Variants in SFI1 observed in about 807,000 individuals in gnomAD.
SFI1 encodes the protein SFI1 centrin binding protein, also known as protein SFI1 homolog.
A neutral mutation model predicts 207.5 loss-of-function variants in SFI1; 195 were observed. The ratio of observed to expected loss-of-function variants is 0.94; its 90% confidence interval spans 0.84 to 1.06. The LOEUF (loss-of-function observed/expected upper bound fraction) is 1.06, where lower values mean the gene tolerates loss of function less well. Ranked by LOEUF, SFI1 falls within the 50% of genes least tolerant of loss-of-function variation. The pLI, the probability that SFI1 is intolerant of heterozygous loss-of-function variation, is 0.00. For missense variants in SFI1, 1,634 were observed against 1,588.0 expected, an observed-to-expected ratio of 1.03 and a Z score of -0.49; for synonymous variants, 630 against 598.9, an observed-to-expected ratio of 1.05 and a Z score of -0.76.
intron 2 of SFI1, among the ~76,000 whole-genome samples, chr22:31,518,221 C>G (rs1436091504): frequency 2.0e-5 from 3 of 152,086 alleles, no homozygotes; most frequent in Admixed American, 2.0e-4. Context: ...AACTCCTGTC[C>G]TCAGTCAAGG....
chr22:31,504,957 T>C (rs1335506710), intron 1 of SFI1, among the ~76,000 whole-genome samples: 3 of 152,194 alleles, frequency 2.0e-5, no homozygotes, highest in Non-Finnish European at 4.4e-5. Flanking sequence ...TTTCAGATAA[T>C]GTCACATTCG....
intron 10 of SFI1, among the ~76,000 whole-genome samples, chr22:31,575,935 G>C (rs2063432804): frequency 6.6e-6 from 1 of 152,194 alleles, no homozygotes; most frequent in African/African-American, 2.4e-5. Flanking sequence ...CGAGGAAAGA[G>C]ATTCAGAGGA....
At chr22:31,547,373 C>T (rs982248198) in intron 5 of SFI1, among the ~76,000 whole-genome samples, 2 of 152,182 alleles carry the variant, frequency 1.3e-5, no homozygotes, top group African/African-American at 4.8e-5. Flanking sequence ...TGCAGTGGCA[C>T]GATCTTGGCT....
At position 31,556,991 on chromosome 22, in the gene SFI1, G is replaced by C; in HGVS notation, c.594G>C (p.Val198=). Residue 198 remains valine, a synonymous_variant, in exon 7 of 33, where the codon GTG becomes GTC. Transcript: ENST00000400288. The part of the protein sequence containing the change: ...RQAWKSWLIY[V]VVRRTKLQMQ... ...CCTGGAAGTCCTGGTTGATCTACGT[G>C]GTTGTTCGTAGGACCAAACTTCAGA... 6.2e-7 allele frequency: 1 copy of C among 1,612,480 alleles called. No homozygotes were observed. The highest frequency in any genetic ancestry group is 8.5e-7 in the Non-Finnish European group (1 of 1,179,034).
At chr22:31,558,219 G>C (rs2061356935) in intron 7 of SFI1, among the ~76,000 whole-genome samples, 1 of 152,128 alleles carries the variant, frequency 6.6e-6, no homozygotes, top group Non-Finnish European at 1.5e-5. Flanking sequence ...TGGACATAAA[G>C]AAGTTATTTA....
chr22:31,549,110 A>C lies in SFI1; in HGVS notation c.450-1144A>C, dbSNP rs148674394. Among the ~76,000 whole-genome samples, 38 of 151,744 alleles carry C rather than the reference A, an allele frequency of 2.5e-4. No individual in the cohort carries two copies. In the East Asian group the frequency reaches 7.2e-3, roughly 29 times the overall value. ...CGAGACCAGCCTAGGGAACATGGCA[A>C]AATCCCCCTCTACAAAAAAATACAA... On this transcript the variant is annotated intron_variant, in intron 5 of 32. Coordinates refer to ENST00000400288, the MANE Select transcript of SFI1 (RefSeq NM_001007467.3).
intron 2 of SFI1, among the ~76,000 whole-genome samples, chr22:31,517,154 T>A (rs2056644221): frequency 1.3e-5 from 2 of 151,750 alleles, no homozygotes; most frequent in East Asian, 1.9e-4. Flanking sequence ...GAAAAAAAAA[T>A]TTAACTTAGT....
intron 20 of SFI1, chr22:31,606,002 GTC>G: frequency 7.0e-6 from 2 of 285,556 alleles, no homozygotes; most frequent in Non-Finnish European, 6.7e-6. Flanking sequence ...CAGGTTCCCT[GTC>G]TCTCCACACT....
chr22:31,584,328 G>A (rs2064741328), intron 13 of SFI1, among the ~76,000 whole-genome samples: 1 of 152,142 alleles, frequency 6.6e-6, no homozygotes, highest in Non-Finnish European at 1.5e-5. Context: ...AAAGTGTGCA[G>A]GGAATGTCCT....
rs761153647 is a variant in SFI1, at chr22:31,550,236, C to T, written c.450-18C>T. 1.9e-6 allele frequency: 3 copies of T among 1,607,980 alleles called. No homozygotes were observed. The highest frequency in any genetic ancestry group is 1.1e-5 in the South Asian group (1 of 90,698). On this transcript the variant is annotated intron_variant, in intron 5 of 32. Coordinates refer to ENST00000400288, the MANE Select transcript of SFI1 (RefSeq NM_001007467.3). ...TGTTATTTTGAAGAAATGCCATTTA[C>T]TTTTTTTGGCTCCTCAGGTATTACC... is the stretch of plus-strand genomic sequence containing the variant.
At chr22:31,594,031 G>GCAGAGGCAGAGGCAGAGC (rs1186858052) in intron 15 of SFI1, among the ~76,000 whole-genome samples, 1 of 134,472 alleles carries the variant, frequency 7.4e-6, no homozygotes. Context: ...GGAGAGGGAG[G>GCAGAGGCAGAGGCAGAGC]TGTCCATCTT....
chr22:31,614,782 T>C lies in SFI1; in HGVS notation c.2997-7T>C. 2 of 1,613,774 alleles carry C rather than the reference T, an allele frequency of 1.2e-6. No homozygotes were observed. Among genetic ancestry groups the C allele is most frequent in the Non-Finnish European group, 1.7e-6 (2 of 1,180,014 alleles). On this transcript the variant is annotated splice_region_variant and splice_polypyrimidine_tract_variant and intron_variant, in intron 27 of 32. Coordinates refer to ENST00000400288, the MANE Select transcript of SFI1 (RefSeq NM_001007467.3). ...CCCAGGGGAACAGACCCCATGTTTC[T>C]TTCCAGCAACACTGCCCACTCAGCG...
rs1428187525 is a variant in SFI1, at chr22:31,578,261, C to T, written c.1085-121C>T. On this transcript the variant is annotated intron_variant, in intron 10 of 32. Coordinates refer to ENST00000400288, the MANE Select transcript of SFI1 (RefSeq NM_001007467.3). ...TCATCAGGAGTAGACAGAGGTGGACCTCAGCCCACCTGGCACGTGTGTTAT... is the reference window on the plus strand; with the variant it reads ...TCATCAGGAGTAGACAGAGGTGGACTTCAGCCCACCTGGCACGTGTGTTAT... 2.9e-4 allele frequency: 248 copies of T among 864,150 alleles called. 1 individual carries two copies. Among genetic ancestry groups the T allele is most frequent in the Non-Finnish European group, 3.4e-5 (20 of 591,722 alleles). 53.5% of individuals were successfully genotyped at this position (864,150 alleles called of 1,614,324 possible). A position where few individuals can be genotyped will look rare whatever the true frequency, so the allele number is the denominator to read the frequency against.
rs181456419 is a variant in SFI1 at position 31,581,100 on chromosome 22, C to A, written c.1248+736C>A. Among the ~76,000 whole-genome samples, 452 of 152,160 alleles carry A rather than the reference C, an allele frequency of 3.0e-3. 2 individuals are homozygous for A. The highest frequency in any genetic ancestry group is 0.01 in the African/African-American group (433 of 41,504). ...GGTTCAAGTGATCCTCCTGCCTCAG[C>A]CTCCCAAGTAGTTGGGACTACAGCT... On this transcript the variant is annotated intron_variant, in intron 12 of 32. Transcript: ENST00000400288.
At chr22:31,609,223 C>T (rs2069626441) in intron 22 of SFI1, among the ~76,000 whole-genome samples, 1 of 152,108 alleles carries the variant, frequency 6.6e-6, no homozygotes, top group African/African-American at 2.4e-5. Flanking sequence ...TGGTCTCGAT[C>T]TCCTCACCTC....
At position 31,574,974 on chromosome 22, in the gene SFI1, G is replaced by T. The variant is rs529607600; in HGVS notation, c.923-257G>T. On this transcript the variant is annotated intron_variant, in intron 9 of 32. Transcript: ENST00000400288. Reference sequence around the variant, plus strand: ...CTTGGGAGGCTGAGGCAGGAGAATCGCTGGAACCTGGGAGGCATAGGTTGC... The same window carrying T: ...CTTGGGAGGCTGAGGCAGGAGAATCTCTGGAACCTGGGAGGCATAGGTTGC... 4.4e-4 allele frequency among the ~76,000 whole-genome samples: 67 copies of T among 151,568 alleles called. 1 individual carries two copies. The highest frequency in any genetic ancestry group is 1.3e-3 in the African/African-American group (54 of 41,284).
At chr22:31,577,496 C>T (rs2063651452) in intron 10 of SFI1, among the ~76,000 whole-genome samples, 1 of 152,184 alleles carries the variant, frequency 6.6e-6, no homozygotes, top group South Asian at 2.1e-4. Flanking sequence ...CAGTCTTGAA[C>T]TCCTGGGCTT....
rs1038869371 is a variant in SFI1 at position 31,611,440 on chromosome 22, C to G, written c.2415+137C>G. 9.5e-6 allele frequency: 11 copies of G among 1,155,076 alleles called. No individual in the cohort carries two copies. In the African/African-American group the frequency reaches 1.7e-4, roughly 18 times the overall value. 71.6% of individuals were successfully genotyped at this position (1,155,076 alleles called of 1,614,324 possible). On this transcript the variant is annotated intron_variant, in intron 23 of 32. Coordinates refer to ENST00000400288, the MANE Select transcript of SFI1 (RefSeq NM_001007467.3). ...GTATGAGTGGTGGGTGGTTTGGGGTCCTGTAAGACAAAGCTGCAGGAGCCT... is the reference window on the plus strand; with the variant it reads ...GTATGAGTGGTGGGTGGTTTGGGGTGCTGTAAGACAAAGCTGCAGGAGCCT...
intron 2 of SFI1, among the ~76,000 whole-genome samples, chr22:31,527,734 G>T (rs1296090569): frequency 1.3e-5 from 2 of 152,144 alleles, no homozygotes; most frequent in Non-Finnish European, 2.9e-5. Flanking sequence ...CACCCCTTTG[G>T]GGGGTTGAGG....
Sources: gnomAD v4.1 joint callset for allele counts (sites outside exome capture counted in the v4.1 genomes callset) on GRCh38, gnomAD v4.1.1 for gene constraint, MANE v1.5 for transcripts, NCBI Gene and HGNC (gene_info 2026-07-23, HGNC 2026-07-21) for gene names.